DSCAM: variants seen among roughly 807,000 people sequenced by gnomAD.
DSCAM encodes the protein cell adhesion molecule DSCAM.
Under a neutral mutation model 217.7 loss-of-function variants are expected in DSCAM, and 47 were observed. The ratio of observed to expected loss-of-function variants is 0.22; its 90% CI spans 0.17 to 0.28. The LOEUF is 0.28. Ranked by LOEUF, DSCAM falls within the 10% of genes least tolerant of loss-of-function variation. The pLI, the probability that DSCAM is intolerant of heterozygous loss-of-function variation, is 1.00. For synonymous variants in DSCAM, 1,056 were observed against 1,015.3 expected (o/e 1.04, Z -0.76); for missense variants, 2,080 against 2,618.3 (o/e 0.79, Z 4.49).
rs1273766363 is a variant in DSCAM, at chr21:40,790,202, G to A, written c.43+56417C>T. 2.7e-5 allele frequency among the ~76,000 whole-genome samples: 3 copies of A among 111,588 alleles called. No homozygotes were observed. In the East Asian group the frequency reaches 8.3e-4, roughly 31 times the overall value. 73.2% of individuals were successfully genotyped at this position (111,588 alleles called of 152,430 possible). On this transcript the variant is annotated intron_variant, in intron 1 of 32. Coordinates refer to ENST00000400454, the MANE Select transcript of DSCAM (RefSeq NM_001389.5). ...TTTCTTTTTTTTTTTTTTTTTTTTA[G>A]ATGGAGTCTCGCTCTGTCTCCCAGG...
At chr21:40,736,134 A>G (rs1057147575) in intron 1 of DSCAM, among the ~76,000 whole-genome samples, 2 of 152,212 alleles carry the variant, frequency 1.3e-5, no homozygotes, top group Non-Finnish European at 1.5e-5. Context: ...GTAACTCAGA[A>G]ATAGCCAAAT....
chr21:40,013,823 G>A (rs1441242090), intron 32 of DSCAM, among the ~76,000 whole-genome samples: 1 of 152,172 alleles, frequency 6.6e-6, no homozygotes, highest in Admixed American at 6.5e-5. Context: ...ATGGACAGCT[G>A]GCTCTCGTCC....
At chr21:40,324,132 G>GAA (rs796310854) in intron 8 of DSCAM, among the ~76,000 whole-genome samples, 187 of 80,108 alleles carry the variant, frequency 2.3e-3, no homozygotes, top group African/African-American at 8.3e-3. Context: ...AAAAAAAAAA[G>GAA]AAAAAAAAAA....
rs181913346 is a variant in DSCAM, at chr21:40,222,740, G to A, written c.2357-33502C>T. 8.9e-3 allele frequency among the ~76,000 whole-genome samples: 1,348 copies of A among 152,228 alleles called. 9 individuals carry two copies. The highest frequency in any genetic ancestry group is 0.027 in the Middle Eastern group (8 of 294). On this transcript the variant is annotated intron_variant, in intron 11 of 32. Coordinates refer to ENST00000400454, the MANE Select transcript of DSCAM (RefSeq NM_001389.5). The stretch of plus-strand genomic sequence containing the variant: ...AGTTGTCATTTAAAAAAATATCTCA[G>A]TGTAATCTCTAGTACAGCAAATATT...
Position 40,127,943 on chromosome 21 carries a change from T to C in DSCAM, c.3563-3615A>G, listed in dbSNP as rs74834123. ...GATGCCATGATCCAGGGCCTTGGGA[T>C]GCCTCTGTCTGGAGTTTTTCCCACC... On this transcript the variant is annotated intron_variant, in intron 19 of 32. Coordinates refer to ENST00000400454, the MANE Select transcript of DSCAM (RefSeq NM_001389.5). Among the ~76,000 whole-genome samples the C allele has an allele frequency of 3.3e-3, 500 of 152,182 alleles. 4 individuals carry two copies. Among genetic ancestry groups the C allele is most frequent in the African/African-American group, 0.012 (478 of 41,510 alleles).
Position 40,774,835 on chromosome 21 carries a change from T to C in DSCAM, c.44-66064A>G, listed in dbSNP as rs189529639. Among the ~76,000 whole-genome samples the C allele has an allele frequency of 3.7e-3, 560 of 152,040 alleles. 2 individuals carry two copies. Among genetic ancestry groups the C allele is most frequent in the African/African-American group, 0.013 (540 of 41,480 alleles). On this transcript the variant is annotated intron_variant, in intron 1 of 32. Coordinates refer to ENST00000400454, the MANE Select transcript of DSCAM (RefSeq NM_001389.5). ...TGGAACAGATTCAACAAAGATCTCCTGAATATCCTCAAAAAATAGCATAAG... is the reference window on the plus strand; with the variant it reads ...TGGAACAGATTCAACAAAGATCTCCCGAATATCCTCAAAAAATAGCATAAG...
intron 3 of DSCAM, among the ~76,000 whole-genome samples, chr21:40,688,468 T>C (rs567619344): frequency 1.4e-4 from 21 of 152,328 alleles, no homozygotes; most frequent in African/African-American, 4.6e-4. Flanking sequence ...AGCTACTATA[T>C]TTTTACTGGG....
intron 3 of DSCAM, among the ~76,000 whole-genome samples, chr21:40,681,123 G>C (rs945563860): frequency 5.3e-5 from 8 of 152,256 alleles, no homozygotes; most frequent in Admixed American, 4.6e-4. Context: ...TTGGGAAACT[G>C]ATGAGTCGTT....
chr21:40,584,079 A>T (rs1447053790), intron 3 of DSCAM, among the ~76,000 whole-genome samples: 2 of 152,204 alleles, frequency 1.3e-5, no homozygotes, highest in Non-Finnish European at 2.9e-5. Flanking sequence ...TGTATCAGTC[A>T]GAAAAGACCT....
chr21:40,275,861 G>T (rs1420433482), intron 11 of DSCAM, among the ~76,000 whole-genome samples: 1 of 152,132 alleles, frequency 6.6e-6, no homozygotes, highest in Non-Finnish European at 1.5e-5. Flanking sequence ...AGAAGAATGT[G>T]GCTCATGCTC....
At chr21:40,594,854 G>A (rs1050011764) in intron 3 of DSCAM, among the ~76,000 whole-genome samples, 3 of 152,160 alleles carry the variant, frequency 2.0e-5, no homozygotes, top group African/African-American at 7.2e-5. Flanking sequence ...AGTCTTTGTA[G>A]AGGGAACCCC....
intron 3 of DSCAM, among the ~76,000 whole-genome samples, chr21:40,646,026 T>C (rs1341483618): frequency 6.6e-6 from 1 of 152,008 alleles, no homozygotes; most frequent in Non-Finnish European, 1.5e-5. Flanking sequence ...GTGGAGGAGA[T>C]AAAGTACCAC....
At chr21:40,281,755 T>G (rs1173378503) in intron 10 of DSCAM, among the ~76,000 whole-genome samples, 1 of 152,222 alleles carries the variant, frequency 6.6e-6, no homozygotes, top group African/African-American at 2.4e-5. Flanking sequence ...ATAGATAATT[T>G]TGAGCATCAT....
At chr21:40,786,484 C>A (rs1476952804) in intron 1 of DSCAM, among the ~76,000 whole-genome samples, 2 of 152,080 alleles carry the variant, frequency 1.3e-5, no homozygotes, top group African/African-American at 4.8e-5. Context: ...GTCTTGAGCC[C>A]ACCTGGACCT....
chr21:40,614,465 T>C (rs184271801), intron 3 of DSCAM, among the ~76,000 whole-genome samples: 3 of 152,306 alleles, frequency 2.0e-5, no homozygotes, highest in East Asian at 3.9e-4. Context: ...ATCATTAAGA[T>C]TGGCAAGTTC....
At chr21:40,533,557 TCATC>T (rs1447526497) in intron 3 of DSCAM, among the ~76,000 whole-genome samples, 3 of 62,650 alleles carry the variant, frequency 4.8e-5, no homozygotes, top group East Asian at 7.6e-4. Flanking sequence ...ATCCATCCAT[TCATC>T]CATCCATCCA....
intron 9 of DSCAM, among the ~76,000 whole-genome samples, chr21:40,302,071 G>T (rs1329674069): frequency 1.3e-5 from 2 of 152,196 alleles, no homozygotes; most frequent in Non-Finnish European, 2.9e-5. Flanking sequence ...CCCCAAGGTT[G>T]TTGGTTTCCT....
At chr21:40,048,949 T>C (rs911526023) in intron 30 of DSCAM, among the ~76,000 whole-genome samples, 8 of 150,832 alleles carry the variant, frequency 5.3e-5, no homozygotes, top group African/African-American at 2.0e-4. Flanking sequence ...CCTCACACTG[T>C]GGTTTTTGAG....
At chr21:40,649,405 A>G (rs1436627359) in intron 3 of DSCAM, among the ~76,000 whole-genome samples, 1 of 152,192 alleles carries the variant, frequency 6.6e-6, no homozygotes, top group Non-Finnish European at 1.5e-5. Flanking sequence ...CACAGCCTCC[A>G]TGGGCCAACG....
Sources: gnomAD v4.1 joint callset for allele counts (sites outside exome capture counted in the v4.1 genomes callset) on GRCh38, gnomAD v4.1.1 for gene constraint, MANE v1.5 for transcripts, NCBI Gene and HGNC (gene_info 2026-07-23, HGNC 2026-07-21) for gene names.